The following ADCY2 variants were observed in gnomAD, a reference collection of about 807,000 sequenced individuals.
The protein encoded by ADCY2 is adenylate cyclase 2.
In ADCY2, 31 loss-of-function variants were observed where a neutral mutation model predicts 125.2. The observed-to-expected ratio is 0.25, with a 90% CI of 0.19 to 0.33. ADCY2 has a LOEUF of 0.33. Among genes scored for constraint, ADCY2 ranks in the 10% least tolerant of loss-of-function variants. The probability of loss-of-function intolerance (pLI) is 1.00; values close to 1 mark genes in which losing one functional copy is unlikely to be tolerated. For missense variants in ADCY2, 904 were observed against 1,418.2 expected (o/e 0.64, Z 5.82); for synonymous variants, 512 against 548.4 (o/e 0.93, Z 0.93).
At position 7,541,093 on chromosome 5, in the gene ADCY2, T is replaced by A. The variant is rs564246744; in HGVS notation, c.570+20194T>A. Among the ~76,000 whole-genome samples the A allele has an allele frequency of 3.9e-5, 6 of 152,294 alleles. No homozygotes were observed. In the South Asian group the frequency reaches 1.0e-3, roughly 26 times the overall value. ...GCTACTGGAGCCGTTTACATTTGCA[T>A]CAACTCCAGTTTCTCTCTTCATGAA... On this transcript the variant is annotated intron_variant, in intron 3 of 24. Coordinates refer to ENST00000338316, the MANE Select transcript of ADCY2 (RefSeq NM_020546.3).
At chr5:7,663,632 C>T (rs1240598559) in intron 4 of ADCY2, among the ~76,000 whole-genome samples, 1 of 152,236 alleles carries the variant, frequency 6.6e-6, no homozygotes, top group African/African-American at 2.4e-5. Flanking sequence ...GGGCCTGCCA[C>T]TTTCATGATC....
chr5:7,662,347 G>A (rs976574431), intron 4 of ADCY2, among the ~76,000 whole-genome samples: 2 of 152,182 alleles, frequency 1.3e-5, no homozygotes, highest in African/African-American at 2.4e-5. Flanking sequence ...CAATTTCAAG[G>A]TTACAGGCAG....
At chr5:7,787,100 C>T (rs187030874) in intron 19 of ADCY2, among the ~76,000 whole-genome samples, 2 of 152,252 alleles carry the variant, frequency 1.3e-5, no homozygotes, top group African/African-American at 4.8e-5. Flanking sequence ...CCCTGAAAAC[C>T]TGTAGAGTAG....
chr5:7,648,624 A>T lies in ADCY2; in HGVS notation c.720+22308A>T, dbSNP rs550898310. 2.8e-4 allele frequency among the ~76,000 whole-genome samples: 42 copies of T among 152,308 alleles called. 1 individual carries two copies. The South Asian group carries it at 8.1e-3, about 29-fold the overall frequency. On this transcript the variant is annotated intron_variant, in intron 4 of 24. Coordinates refer to ENST00000338316, the MANE Select transcript of ADCY2 (RefSeq NM_020546.3). Reference sequence around the variant, plus strand: ...AATCCCTGCGGGGTTAGAAACACTGACTTACTGTGAGAATTGAAATATATA... The same window carrying T: ...AATCCCTGCGGGGTTAGAAACACTGTCTTACTGTGAGAATTGAAATATATA...
chr5:7,489,440 C>T (rs1232496171), intron 2 of ADCY2, among the ~76,000 whole-genome samples: 1 of 152,166 alleles, frequency 6.6e-6, no homozygotes, highest in Non-Finnish European at 1.5e-5. Context: ...TCTCTTGGCT[C>T]ATCCTGGGGC....
intron 4 of ADCY2, chr5:7,653,934 G>A (rs1054141639): frequency 5.2e-5 from 20 of 387,504 alleles, no homozygotes; most frequent in African/African-American, 3.4e-4. Context: ...TAAGAGTTCA[G>A]TTCTAGACTT....
intron 2 of ADCY2, among the ~76,000 whole-genome samples, chr5:7,417,158 T>A (rs1739983969): frequency 6.6e-6 from 1 of 152,166 alleles, no homozygotes. Context: ...AGAATTCTGA[T>A]TACTTTTTGT....
At chr5:7,650,879 G>A (rs950870581) in intron 4 of ADCY2, among the ~76,000 whole-genome samples, 2 of 152,140 alleles carry the variant, frequency 1.3e-5, no homozygotes, top group Non-Finnish European at 2.9e-5. Context: ...TTTGTAGGGC[G>A]GTTGCCCAGG....
Position 7,724,835 on chromosome 5 carries a change from C to T in ADCY2, c.1773+221C>T, listed in dbSNP as rs967226486. On this transcript the variant is annotated intron_variant, in intron 13 of 24. Transcript: ENST00000338316. Reference sequence around the variant, plus strand: ...GATCAGTTACCATTCTCAACCCTCTCGATAGTAAATGGTATCTGCAATGTG... The same window carrying T: ...GATCAGTTACCATTCTCAACCCTCTTGATAGTAAATGGTATCTGCAATGTG... Among the ~76,000 whole-genome samples the T allele has an allele frequency of 5.3e-5, 8 of 151,982 alleles. 1 individual carries two copies. The South Asian group carries it at 1.7e-3, about 31-fold the overall frequency.
At chr5:7,758,783 C>T (rs969894039) in intron 16 of ADCY2, among the ~76,000 whole-genome samples, 10 of 152,184 alleles carry the variant, frequency 6.6e-5, no homozygotes, top group African/African-American at 2.4e-4. Flanking sequence ...GAGTCTGCCA[C>T]ATGGGCCTGG....
At position 7,827,099 on chromosome 5, in the gene ADCY2, G is replaced by A. The variant is rs760875746; in HGVS notation, c.*228G>A. The A allele has an allele frequency of 3.9e-5, 19 of 481,380 alleles. No homozygotes were observed. Among genetic ancestry groups the A allele is most frequent in the Non-Finnish European group, 5.4e-5 (15 of 277,460 alleles). The allele number at this position is 481,380 out of a possible 1,614,324, so 29.8% of individuals were successfully genotyped here. A position where few individuals can be genotyped will look rare whatever the true frequency, so the allele number is the denominator to read the frequency against. On this transcript the variant is annotated 3_prime_UTR_variant, in exon 25 of 25. Transcript: ENST00000338316. ...CCTAAGCAAAAGGGAAAAGGAGCGC[G>A]CGTGATAGAAGAAAAGCACTGGGAG...
At chr5:7,776,856 C>T (rs1315900073) in intron 18 of ADCY2, among the ~76,000 whole-genome samples, 1 of 152,110 alleles carries the variant, frequency 6.6e-6, no homozygotes, top group Non-Finnish European at 1.5e-5. Flanking sequence ...GTTCTTTGGC[C>T]TTTGGACTCC....
intron 18 of ADCY2, among the ~76,000 whole-genome samples, chr5:7,779,951 G>A (rs1299513361): frequency 6.6e-6 from 1 of 152,128 alleles, no homozygotes. Context: ...TGGGAACCCT[G>A]GCTAAGCTGT....
chr5:7,796,479 C>T (rs1744425230), intron 20 of ADCY2: 1 of 152,208 alleles, frequency 6.6e-6, no homozygotes, highest in Admixed American at 6.5e-5. Context: ...ATTAATTTCC[C>T]TTCAGAAATA....
intron 15 of ADCY2, among the ~76,000 whole-genome samples, chr5:7,744,242 G>A (rs1246080599): frequency 6.6e-6 from 1 of 151,944 alleles, no homozygotes; most frequent in African/African-American, 2.4e-5. Flanking sequence ...AAAAGGGGAG[G>A]GATAGCATTA....
intron 7 of ADCY2, among the ~76,000 whole-genome samples, chr5:7,700,315 G>C (rs974982717): frequency 6.6e-6 from 1 of 152,016 alleles, no homozygotes; most frequent in African/African-American, 2.4e-5. Context: ...TAAGGTAAAA[G>C]GGTAATTTTT....
At position 7,565,820 on chromosome 5, in the gene ADCY2, T is replaced by C. The variant is rs1188611534; in HGVS notation, c.570+44921T>C. 2.6e-5 allele frequency among the ~76,000 whole-genome samples: 4 copies of C among 152,180 alleles called. No homozygotes were observed. The East Asian group carries it at 7.7e-4, about 29-fold the overall frequency. On this transcript the variant is annotated intron_variant, in intron 3 of 24. Coordinates refer to ENST00000338316, the MANE Select transcript of ADCY2 (RefSeq NM_020546.3). ...AGAAACCGCATTGCCAAATGACGAT[T>C]AACAGCCCTTAGAATCCCAGAGCAC...
intron 12 of ADCY2, among the ~76,000 whole-genome samples, chr5:7,719,771 G>A (rs72710502): frequency 0.33 from 49,655 of 151,954 alleles, 9,915 homozygotes; most frequent in Non-Finnish European, 0.45. Context: ...TTCATTCTTA[G>A]AGGCTCCATC....
chr5:7,598,431 C>T (rs545773921), intron 3 of ADCY2, among the ~76,000 whole-genome samples: 1 of 152,332 alleles, frequency 6.6e-6, no homozygotes, highest in Non-Finnish European at 1.5e-5. Context: ...TAAAGTATGG[C>T]TCATGGGCTA....
Sources: gnomAD v4.1 joint callset for allele counts (sites outside exome capture counted in the v4.1 genomes callset) on GRCh38, gnomAD v4.1.1 for gene constraint, MANE v1.5 for transcripts, NCBI Gene and HGNC (gene_info 2026-07-23, HGNC 2026-07-21) for gene names.